CCDC122: variants seen among roughly 807,000 people sequenced by gnomAD.
The protein encoded by CCDC122 is coiled-coil domain containing 122.
Under a neutral mutation model 37.0 loss-of-function variants are expected in CCDC122, and 38 were observed. The ratio of observed to expected loss-of-function variants is 1.03; its 90% confidence interval spans 0.79 to 1.35. CCDC122 has a LOEUF of 1.35. Ranked by LOEUF, CCDC122 falls within the 40% of genes most tolerant of loss-of-function variation. The probability of loss-of-function intolerance (pLI) is 0.00; values close to 1 mark genes in which losing one functional copy is unlikely to be tolerated. For missense variants in CCDC122, 305 were observed against 310.0 expected, an observed-to-expected ratio of 0.98 and a Z score of 0.12; for synonymous variants, 83 against 95.6, an observed-to-expected ratio of 0.87 and a Z score of 0.77.
chr13:43,848,941 C>T (rs1953632488), intron 6 of CCDC122: 5 of 972,938 alleles, frequency 5.1e-6, no homozygotes, highest in Middle Eastern at 5.3e-4. Flanking sequence ...TGGAATTCAC[C>T]TTCTCTAAAA....
rs1954052181 is a variant in CCDC122 at position 43,859,903 on chromosome 13, T to C, written c.324A>G (p.Lys108=). The C allele has an allele frequency of 6.2e-7, 1 of 1,609,230 alleles. No homozygotes were observed. The highest frequency in any genetic ancestry group is 1.3e-5 in the African/African-American group (1 of 74,870). ...KSLHSENVKL[K]FDIETAQEDF... ...CTTCTTGGGCTGTTTCTATGTCAAATTTAAGCTTTACATTTTCTGAATGTA... is the reference window on the plus strand; with the variant it reads ...CTTCTTGGGCTGTTTCTATGTCAAACTTAAGCTTTACATTTTCTGAATGTA... Residue 108 remains lysine (K), a synonymous_variant, in exon 5 of 7, where the codon AAA becomes AAG. Transcript: ENST00000444614.
At chr13:43,850,208 A>G (rs11620300) in intron 6 of CCDC122, among the ~76,000 whole-genome samples, 5,179 of 152,280 alleles carry the variant, frequency 0.034, 170 homozygotes, top group African/African-American at 0.085. Context: ...CTAGACCCCA[A>G]TGGCCACCTG....
chr13:43,860,408 A>G (rs948392289), intron 4 of CCDC122, among the ~76,000 whole-genome samples: 2 of 152,152 alleles, frequency 1.3e-5, no homozygotes, highest in Admixed American at 6.6e-5. Flanking sequence ...ACAATATGAT[A>G]AAAAATGATA....
intron 3 of CCDC122, among the ~76,000 whole-genome samples, chr13:43,830,802 G>T (rs1953082343): frequency 6.6e-6 from 1 of 152,194 alleles, no homozygotes; most frequent in Non-Finnish European, 1.5e-5. Context: ...AAGCTTTGGA[G>T]TTACCACAAA....
At chr13:43,830,034 C>T (rs1235159712) in intron 3 of CCDC122, among the ~76,000 whole-genome samples, 1 of 151,862 alleles carries the variant, frequency 6.6e-6, no homozygotes, top group African/African-American at 2.4e-5. Flanking sequence ...CATCACCACG[C>T]CCAGCTAATT....
chr13:43,852,194 T>C (rs928249406), intron 6 of CCDC122, among the ~76,000 whole-genome samples: 8 of 151,974 alleles, frequency 5.3e-5, no homozygotes, highest in Non-Finnish European at 8.8e-5. Context: ...CATTAAGCTA[T>C]AGAAGTATGT....
chr13:43,835,538 G>A (rs1953141225), downstream of CCDC122, among the ~76,000 whole-genome samples: 1 of 152,120 alleles, frequency 6.6e-6, no homozygotes, highest in African/African-American at 2.4e-5. Flanking sequence ...ATAGGTATAT[G>A]TATTAAGGAT....
At chr13:43,840,346 T>C (rs1380832271) in intron 6 of CCDC122, among the ~76,000 whole-genome samples, 1 of 152,184 alleles carries the variant, frequency 6.6e-6, no homozygotes, top group Non-Finnish European at 1.5e-5. Context: ...ATGTGTAGTA[T>C]TCCATTATGT....
intron 3 of CCDC122, among the ~76,000 whole-genome samples, chr13:43,825,964 G>T (rs1178732177): frequency 6.6e-6 from 1 of 152,106 alleles, no homozygotes; most frequent in Non-Finnish European, 1.5e-5. Context: ...AGAAGAACTG[G>T]AAGTATTTAA....
Position 43,875,068 on chromosome 13 carries a change from T to C in CCDC122, c.-199-141A>G, listed in dbSNP as rs192905613. ...GCTTTGCTGAATGTATAGACAGTACTGGACTACCAAAACATCTCTTGTTTT... is the reference window on the plus strand; with the variant it reads ...GCTTTGCTGAATGTATAGACAGTACCGGACTACCAAAACATCTCTTGTTTT... On this transcript the variant is annotated intron_variant, in intron 1 of 6. Transcript: ENST00000444614. The C allele has an allele frequency of 6.4e-3, 973 of 152,328 alleles. 10 individuals are homozygous for C. The highest frequency in any genetic ancestry group is 0.014 in the Middle Eastern group (4 of 294). The allele number at this position is 152,328 out of a possible 1,614,324, so 9.4% of individuals were successfully genotyped here.
chr13:43,839,909 C>A (rs1260686473), intron 6 of CCDC122, among the ~76,000 whole-genome samples: 1 of 152,128 alleles, frequency 6.6e-6, no homozygotes, highest in Non-Finnish European at 1.5e-5. Flanking sequence ...CCAGGGGTGC[C>A]TCGTGGTCAG....
chr13:43,862,838 T>C (rs1280333377), intron 4 of CCDC122, among the ~76,000 whole-genome samples: 1 of 152,208 alleles, frequency 6.6e-6, no homozygotes. Context: ...CTTGGACTAA[T>C]GTAATTGACT....
chr13:43,877,420 T>A (rs1594868365), intron 1 of CCDC122, among the ~76,000 whole-genome samples: 3 of 152,240 alleles, frequency 2.0e-5, no homozygotes, highest in East Asian at 3.8e-4. Flanking sequence ...AAGCCTTTTT[T>A]AGATATAATT....
intron 3 of CCDC122, among the ~76,000 whole-genome samples, chr13:43,828,288 G>A (rs1341493362): frequency 5.3e-5 from 8 of 152,080 alleles, no homozygotes; most frequent in Non-Finnish European, 1.0e-4. Flanking sequence ...ATCAGAGCAC[G>A]CATTATGTGT....
intron 6 of CCDC122, among the ~76,000 whole-genome samples, chr13:43,845,802 T>C (rs1239355884): frequency 2.0e-5 from 3 of 152,236 alleles, no homozygotes; most frequent in Non-Finnish European, 2.9e-5. Context: ...TGTTTATCAA[T>C]ACATTTTAAA....
chr13:43,846,531 T>C (rs968460664), intron 6 of CCDC122, among the ~76,000 whole-genome samples: 1 of 152,248 alleles, frequency 6.6e-6, no homozygotes, highest in Non-Finnish European at 1.5e-5. Flanking sequence ...AGACTTTGTT[T>C]TATACTTTAA....
At chr13:43,866,801 C>T (rs936983837) in intron 4 of CCDC122, among the ~76,000 whole-genome samples, 1 of 152,090 alleles carries the variant, frequency 6.6e-6, no homozygotes, top group African/African-American at 2.4e-5. Flanking sequence ...TCTTTCTAAA[C>T]TCACTTATTA....
intron 4 of CCDC122, among the ~76,000 whole-genome samples, chr13:43,864,898 T>C (rs1954223734): frequency 6.6e-6 from 1 of 152,082 alleles, no homozygotes; most frequent in African/African-American, 2.4e-5. Context: ...TAGCCCCATT[T>C]CCCCAGTCTT....
Position 43,836,932 on chromosome 13 carries a change from C to A in CCDC122, c.*348G>T. On this transcript the variant is annotated 3_prime_UTR_variant, in exon 7 of 7. Coordinates refer to ENST00000444614, the MANE Select transcript of CCDC122 (RefSeq NM_144974.5). ...TTAACAATTTAAATCAGTGAAAATT[C>A]GAGTGTTTTTTCCCTTCTAAATTTT... 6.1e-6 allele frequency: 1 copy of A among 163,566 alleles called. No homozygotes were observed. The highest frequency in any genetic ancestry group is 1.3e-5 in the Non-Finnish European group (1 of 76,944). 10.1% of individuals were successfully genotyped at this position (163,566 alleles called of 1,614,324 possible).
Sources: allele counts gnomAD v4.1 joint callset (sites outside exome capture counted in the v4.1 genomes callset), GRCh38; gene constraint gnomAD v4.1.1; transcripts MANE v1.5; gene names NCBI Gene and HGNC (gene_info 2026-07-23, HGNC 2026-07-21).